Variants in COBLL1 observed in about 807,000 individuals in gnomAD.
COBLL1 encodes the protein cordon-bleu WH2 repeat protein like 1.
A neutral mutation model predicts 94.8 loss-of-function variants in COBLL1; 50 were observed. The observed-to-expected ratio is 0.53, with a 90% confidence interval of 0.42 to 0.67. The LOEUF is 0.67. Ranked by LOEUF, COBLL1 falls within the 30% of genes least tolerant of loss-of-function variation. The pLI, the probability that COBLL1 is intolerant of heterozygous loss-of-function variation, is 0.00. For missense variants in COBLL1, 1,362 were observed against 1,348.7 expected (o/e 1.01, Z -0.15); for synonymous variants, 448 against 473.8 (o/e 0.95, Z 0.71).
At chr2:164,822,676 A>G (rs1685221632) in intron 2 of COBLL1, among the ~76,000 whole-genome samples, 1 of 151,240 alleles carries the variant, frequency 6.6e-6, no homozygotes, top group Non-Finnish European at 1.5e-5. Flanking sequence ...GGTAGAGAGA[A>G]GGTATATACA....
intron 2 of COBLL1, among the ~76,000 whole-genome samples, chr2:164,804,885 C>A (rs766621025): frequency 2.6e-5 from 4 of 152,180 alleles, no homozygotes; most frequent in Non-Finnish European, 4.4e-5. Flanking sequence ...CTCTGACCCA[C>A]AAACTGAGTA....
chr2:164,719,263 A>T (rs1462408664), intron 7 of COBLL1, among the ~76,000 whole-genome samples: 2 of 152,150 alleles, frequency 1.3e-5, no homozygotes, highest in Non-Finnish European at 2.9e-5. Flanking sequence ...AATGATTCGG[A>T]TCTTAAATAC....
At chr2:164,730,199 C>G in intron 3 of COBLL1, 84 bp from the exon 4 acceptor site, 1 of 1,204,754 alleles carries the variant, frequency 8.3e-7, no homozygotes, top group East Asian at 2.5e-5. Context: ...AACAAGTCTA[C>G]AAGATAGTTT....
intron 2 of COBLL1, among the ~76,000 whole-genome samples, chr2:164,809,722 T>C (rs1353162408): frequency 6.6e-6 from 1 of 151,990 alleles, no homozygotes; most frequent in East Asian, 1.9e-4. Flanking sequence ...TTGAAACACC[T>C]GGAGTCAGCA....
intron 2 of COBLL1, among the ~76,000 whole-genome samples, chr2:164,799,536 T>G (rs994183233): frequency 2.6e-5 from 4 of 152,236 alleles, no homozygotes; most frequent in African/African-American, 9.6e-5. Flanking sequence ...TTTTCAAATT[T>G]ATCTGTATTT....
At chr2:164,777,611 A>G (rs1370941387) in intron 2 of COBLL1, among the ~76,000 whole-genome samples, 2 of 152,170 alleles carry the variant, frequency 1.3e-5, no homozygotes, top group African/African-American at 4.8e-5. Context: ...TGAGAACACA[A>G]TCTTCTAAAC....
chr2:164,809,904 T>G (rs575011047), intron 2 of COBLL1, among the ~76,000 whole-genome samples: 1 of 145,608 alleles, frequency 6.9e-6, no homozygotes, highest in East Asian at 2.0e-4. Context: ...TTATTTAAAC[T>G]GTTTAGTAAC....
intron 2 of COBLL1, among the ~76,000 whole-genome samples, chr2:164,799,140 A>G (rs1683633705): frequency 6.6e-6 from 1 of 152,158 alleles, no homozygotes; most frequent in Non-Finnish European, 1.5e-5. Context: ...TGAAAAGTAA[A>G]TTGAAAAGCA....
chr2:164,759,285 C>T (rs1457813529), intron 2 of COBLL1, among the ~76,000 whole-genome samples: 2 of 151,988 alleles, frequency 1.3e-5, no homozygotes, highest in Non-Finnish European at 2.9e-5. Context: ...ATAAATTTGC[C>T]AAAATAATTT....
intron 2 of COBLL1, among the ~76,000 whole-genome samples, chr2:164,660,201 C>T (rs1357182243): frequency 6.6e-6 from 1 of 152,020 alleles, no homozygotes; most frequent in South Asian, 2.1e-4. Context: ...TAGCATAGCA[C>T]CAAGAAAAGG....
intron 2 of COBLL1, among the ~76,000 whole-genome samples, chr2:164,818,656 A>G (rs55790386): frequency 0.14 from 20,325 of 147,446 alleles, 1,721 homozygotes; most frequent in Admixed American, 0.18. Context: ...AAACATATAT[A>G]GCGTATATGT....
chr2:164,735,094 C>G (rs1238755660), intron 3 of COBLL1, among the ~76,000 whole-genome samples: 1 of 152,204 alleles, frequency 6.6e-6, no homozygotes, highest in Non-Finnish European at 1.5e-5. Context: ...TAACTGGGTT[C>G]TGTGTGTACA....
At chr2:164,751,427 T>A (rs1426389682) in intron 2 of COBLL1, among the ~76,000 whole-genome samples, 1 of 152,086 alleles carries the variant, frequency 6.6e-6, no homozygotes, top group Non-Finnish European at 1.5e-5. Context: ...GAAGGTCATA[T>A]TAGTTTCATC....
chr2:164,799,044 G>C (rs1683628266), intron 2 of COBLL1, among the ~76,000 whole-genome samples: 1 of 113,962 alleles, frequency 8.8e-6, no homozygotes, highest in African/African-American at 3.6e-5. Flanking sequence ...AAAAAGAGGG[G>C]GTAAGCAAGT....
intron 2 of COBLL1, among the ~76,000 whole-genome samples, chr2:164,776,932 T>G (rs933988692): frequency 2.0e-5 from 3 of 152,166 alleles, no homozygotes; most frequent in African/African-American, 7.2e-5. Context: ...TTGGAATAAT[T>G]TTAGATTTAC....
Position 164,841,406 on chromosome 2 carries a change from G to A in COBLL1, c.-50-160C>T. On this transcript the variant is annotated intron_variant, in intron 1 of 13. Transcript: ENST00000652658. This position sits in a 1 kb window ranked among gnomAD's most constrained non-coding sequence, Gnocchi z 5.5. The stretch of plus-strand genomic sequence containing the variant: ...TGCGGGCCCCGGCTCCCAGCCCGCG[G>A]GCGCCGCCGCCGTCTCTACAAGGTC... The A allele has an allele frequency of 8.6e-7, 1 of 1,166,960 alleles. No individual in the cohort carries two copies. Among genetic ancestry groups the A allele is most frequent in the Non-Finnish European group, 1.1e-6 (1 of 946,942 alleles). The allele number at this position is 1,166,960 out of a possible 1,614,324, so 72.3% of individuals were successfully genotyped here.
intron 2 of COBLL1, among the ~76,000 whole-genome samples, chr2:164,793,001 A>G (rs1320859752): frequency 6.6e-6 from 1 of 152,098 alleles, no homozygotes; most frequent in Non-Finnish European, 1.5e-5. Flanking sequence ...TCAACTCCCA[A>G]TGAAGGATCA....
At chr2:164,705,192 G>T (rs1032616589) in intron 7 of COBLL1, 87 bp from the exon 8 acceptor site, 17 of 1,022,594 alleles carry the variant, frequency 1.7e-5, no homozygotes, top group Non-Finnish European at 2.3e-5. Context: ...GTCAAGCACA[G>T]GATATATCCA....
At position 164,773,666 on chromosome 2, in the gene COBLL1, G is replaced by T. The variant is rs564149144; in HGVS notation, c.42-29791C>A. The stretch of plus-strand genomic sequence containing the variant: ...TTTTTAAAGCAAAAGATTAGGAAAG[G>T]TTAAATTATTTTAAAAGTTTTACAC... On this transcript the variant is annotated intron_variant, in intron 2 of 13. Coordinates refer to ENST00000652658, the MANE Select transcript of COBLL1 (RefSeq NM_001365672.2). 1.5e-5 allele frequency: 13 copies of T among 866,366 alleles called. No individual in the cohort carries two copies. In the African/African-American group the frequency reaches 2.1e-4, roughly 14 times the overall value. The allele number at this position is 866,366 out of a possible 1,614,324, so 53.7% of individuals were successfully genotyped here. A position where few individuals can be genotyped will look rare whatever the true frequency, so the allele number is the denominator to read the frequency against.
Sources: allele counts gnomAD v4.1 joint callset (sites outside exome capture counted in the v4.1 genomes callset), GRCh38; gene constraint gnomAD v4.1.1; non-coding constraint Gnocchi (gnomAD v3.1); transcripts MANE v1.5; gene names NCBI Gene and HGNC (gene_info 2026-07-23, HGNC 2026-07-21).